Variants in ARL15 observed in about 807,000 individuals in gnomAD.
ARL15 encodes ADP-ribosylation factor-like protein 15.
ARL15 carries 19 observed loss-of-function variants against 25.2 expected under a neutral mutation model. That is an observed-to-expected ratio of 0.75 (90% CI 0.53 to 1.10). The LOEUF (loss-of-function observed/expected upper bound fraction) is 1.10. ARL15 is among the 50% of genes least tolerant of loss of function. The pLI is 0.00. For synonymous variants in ARL15, 94 were observed against 86.8 expected, an observed-to-expected ratio of 1.08 and a Z score of -0.46; for missense variants, 220 against 246.0, an observed-to-expected ratio of 0.89 and a Z score of 0.71.
intron 3 of ARL15, among the ~76,000 whole-genome samples, chr5:54,126,489 C>A (rs1387626020): frequency 2.0e-5 from 3 of 152,206 alleles, no homozygotes; most frequent in Non-Finnish European, 4.4e-5. Context: ...TCCTCTATAA[C>A]CCAGTGTAAT....
intron 3 of ARL15, among the ~76,000 whole-genome samples, chr5:54,150,851 C>CA (rs34261981): frequency 0.27 from 34,059 of 127,302 alleles, 4,998 homozygotes; most frequent in Admixed American, 0.38. Context: ...CACTGTTAAC[C>CA]AAAAAAAAAA....
intron 4 of ARL15, among the ~76,000 whole-genome samples, chr5:54,052,759 A>G (rs929629970): frequency 1.2e-4 from 18 of 152,162 alleles, no homozygotes; most frequent in Non-Finnish European, 1.5e-4. Context: ...ACACATGCAC[A>G]CGTGCACACA....
chr5:54,296,765 C>T (rs964279700), intron 1 of ARL15, among the ~76,000 whole-genome samples: 4 of 152,246 alleles, frequency 2.6e-5, no homozygotes, highest in Non-Finnish European at 5.9e-5. Context: ...CAGTGTCTAA[C>T]AGGCCTCACT....
chr5:54,226,958 T>C (rs889049357), intron 1 of ARL15, among the ~76,000 whole-genome samples: 2 of 152,082 alleles, frequency 1.3e-5, no homozygotes, highest in African/African-American at 2.4e-5. Context: ...TATAAGGGAT[T>C]TCCCCTTTCA....
intron 1 of ARL15, among the ~76,000 whole-genome samples, chr5:54,213,117 G>A (rs1756089977): frequency 6.6e-6 from 1 of 152,060 alleles, no homozygotes; most frequent in East Asian, 1.9e-4. Context: ...GCAGAATAAA[G>A]TTTTAAACCA....
At chr5:54,308,856 T>C (rs1371702899) in intron 1 of ARL15, among the ~76,000 whole-genome samples, 1 of 151,724 alleles carries the variant, frequency 6.6e-6, no homozygotes, top group Non-Finnish European at 1.5e-5. Flanking sequence ...CCTGATTTTC[T>C]TTTTTAAGAA....
intron 3 of ARL15, among the ~76,000 whole-genome samples, chr5:54,117,448 A>T (rs1752940561): frequency 6.6e-6 from 1 of 150,592 alleles, no homozygotes; most frequent in Non-Finnish European, 1.5e-5. Flanking sequence ...AATGTCCCTT[A>T]TATGACATAA....
At chr5:54,294,666 T>G (rs549964335) in intron 1 of ARL15, among the ~76,000 whole-genome samples, 1 of 152,252 alleles carries the variant, frequency 6.6e-6, no homozygotes, top group Non-Finnish European at 1.5e-5. Context: ...AAAGCGACTA[T>G]GTTTTATTTC....
chr5:54,091,881 C>T (rs753050847), intron 4 of ARL15, among the ~76,000 whole-genome samples: 30 of 152,226 alleles, frequency 2.0e-4, no homozygotes, highest in African/African-American at 6.7e-4. Flanking sequence ...CCATAGAGGG[C>T]GGAGAGTGGC....
At chr5:54,205,281 A>G (rs1433322697) in intron 1 of ARL15, among the ~76,000 whole-genome samples, 1 of 152,158 alleles carries the variant, frequency 6.6e-6, no homozygotes, top group Admixed American at 6.5e-5. Flanking sequence ...CATGACGGTA[A>G]AGGCATCTGC....
chr5:53,898,008 TG>T (rs1339498216), intron 4 of ARL15, among the ~76,000 whole-genome samples: 2 of 152,276 alleles, frequency 1.3e-5, no homozygotes, highest in East Asian at 3.9e-4. Flanking sequence ...GAAAATAAAA[TG>T]TCATTAATAA....
At chr5:54,274,063 A>T (rs1469386272) in intron 1 of ARL15, among the ~76,000 whole-genome samples, 1 of 152,168 alleles carries the variant, frequency 6.6e-6, no homozygotes, top group Non-Finnish European at 1.5e-5. Context: ...GGTAGAAGAG[A>T]TCAAACTTGA....
chr5:54,033,252 GC>G (rs1750051218), intron 4 of ARL15, among the ~76,000 whole-genome samples: 1 of 152,060 alleles, frequency 6.6e-6, no homozygotes, highest in Non-Finnish European at 1.5e-5. Flanking sequence ...GGTGGAAGTT[GC>G]AGTGAGCTGA....
chr5:54,001,295 A>AT (rs970485741), intron 4 of ARL15, among the ~76,000 whole-genome samples: 1 of 152,090 alleles, frequency 6.6e-6, no homozygotes, highest in Non-Finnish European at 1.5e-5. Context: ...TATCTTTTCC[A>AT]TCTCTTTATC....
chr5:53,998,598 G>GACT (rs2111706623), intron 4 of ARL15, among the ~76,000 whole-genome samples: 1 of 152,358 alleles, frequency 6.6e-6, no homozygotes, highest in East Asian at 1.9e-4. Flanking sequence ...GGGAAGGTTA[G>GACT]AGATGCAAAA....
chr5:54,242,406 G>A (rs1756981358), intron 1 of ARL15, among the ~76,000 whole-genome samples: 2 of 152,238 alleles, frequency 1.3e-5, no homozygotes, highest in South Asian at 2.1e-4. Flanking sequence ...GATTTGGGCC[G>A]GGATGAGCAA....
At chr5:54,017,731 G>T (rs1177461242) in intron 4 of ARL15, among the ~76,000 whole-genome samples, 2 of 151,888 alleles carry the variant, frequency 1.3e-5, no homozygotes, top group African/African-American at 2.4e-5. Context: ...TTTTTAAAAG[G>T]CCTCCTTTTC....
At chr5:54,159,947 G>C (rs1292145082) in intron 2 of ARL15, among the ~76,000 whole-genome samples, 4 of 152,160 alleles carry the variant, frequency 2.6e-5, no homozygotes, top group Non-Finnish European at 5.9e-5. Flanking sequence ...TCATTGTGTG[G>C]AACACACAAG....
chr5:54,300,366 AG>A (rs1170495078), intron 1 of ARL15, among the ~76,000 whole-genome samples: 1 of 152,188 alleles, frequency 6.6e-6, no homozygotes, highest in Admixed American at 6.5e-5. Context: ...GAGATGCCCC[AG>A]GGGGCCACCC....
Sources: allele counts gnomAD v4.1 joint callset (sites outside exome capture counted in the v4.1 genomes callset), GRCh38; gene constraint gnomAD v4.1.1; transcripts MANE v1.5; gene names NCBI Gene and HGNC (gene_info 2026-07-23, HGNC 2026-07-21).